The following AAMDC variants were observed in gnomAD, a reference collection of about 807,000 sequenced individuals.
AAMDC encodes the protein adipogenesis associated Mth938 domain containing, also known as mth938 domain-containing protein.
Under a neutral mutation model 15.5 loss-of-function variants are expected in AAMDC, and 16 were observed. The observed-to-expected ratio is 1.03, with a 90% CI of 0.70 to 1.57. AAMDC has a LOEUF of 1.57. AAMDC is among the 40% of genes most tolerant of loss of function. The pLI is 0.00. For missense variants in AAMDC, 141 were observed against 144.9 expected (o/e 0.97, Z 0.14); for synonymous variants, 51 against 51.6 (o/e 0.99, Z 0.05).
chr11:77,840,958 A>C, intron 1 of AAMDC: 1 of 488,666 alleles, frequency 2.0e-6, no homozygotes, highest in Non-Finnish European at 3.7e-6. Context: ...TGCTCCTATA[A>C]CTGAATACCT....
chr11:77,827,144 CT>C (rs1322493486), intron 1 of AAMDC, among the ~76,000 whole-genome samples: 1 of 152,004 alleles, frequency 6.6e-6, no homozygotes, highest in East Asian at 1.9e-4. Flanking sequence ...AAATTTGCCC[CT>C]GGCCCCGCCC....
intron 1 of AAMDC, among the ~76,000 whole-genome samples, chr11:77,835,414 C>T (rs1367725827): frequency 6.6e-6 from 1 of 152,106 alleles, no homozygotes; most frequent in Non-Finnish European, 1.5e-5. Flanking sequence ...ATGTTGACTA[C>T]CTCCAGACTT....
At chr11:77,865,494 A>G (rs1246371402) in intron 2 of AAMDC, among the ~76,000 whole-genome samples, 2 of 152,384 alleles carry the variant, frequency 1.3e-5, no homozygotes, top group East Asian at 3.9e-4. Context: ...CCAAACCTAT[A>G]TATGAAATCA....
At chr11:77,879,406 TCTG>T (rs1306263488) in intron 5 of AAMDC, among the ~76,000 whole-genome samples, 1 of 152,186 alleles carries the variant, frequency 6.6e-6, no homozygotes, top group Non-Finnish European at 1.5e-5. Context: ...TGCTTCATGA[TCTG>T]CTTTATGAAC....
chr11:77,867,268 A>G (rs1325739456), intron 2 of AAMDC, among the ~76,000 whole-genome samples: 1 of 151,980 alleles, frequency 6.6e-6, no homozygotes, highest in East Asian at 1.9e-4. Context: ...CTCTTTTCCT[A>G]TACCATCTCT....
chr11:77,860,907 C>T (rs541365982), intron 2 of AAMDC, among the ~76,000 whole-genome samples: 54 of 152,202 alleles, frequency 3.5e-4, no homozygotes, highest in African/African-American at 1.2e-3. Context: ...CTTGCACTAA[C>T]GTTCACTGTC....
chr11:77,828,293 AAC>A (rs1949269246), intron 1 of AAMDC, among the ~76,000 whole-genome samples: 1 of 151,996 alleles, frequency 6.6e-6, no homozygotes, highest in Non-Finnish European at 1.5e-5. Context: ...AAAATACACA[AAC>A]AGCAAAAAAA....
chr11:77,865,128 G>A (rs1370480145), intron 2 of AAMDC, among the ~76,000 whole-genome samples: 1 of 152,138 alleles, frequency 6.6e-6, no homozygotes, highest in East Asian at 1.9e-4. Context: ...TGTCTAATGT[G>A]GTTGAGTCCC....
chr11:77,876,026 T>C (rs1951584309), downstream of AAMDC, among the ~76,000 whole-genome samples: 1 of 152,108 alleles, frequency 6.6e-6, no homozygotes, highest in African/African-American at 2.4e-5. Context: ...AGCAGGGGAA[T>C]GGTGTGGTCA....
chr11:77,851,800 C>A (rs1950395855), intron 2 of AAMDC, among the ~76,000 whole-genome samples: 3 of 152,134 alleles, frequency 2.0e-5, no homozygotes, highest in Non-Finnish European at 4.4e-5. Flanking sequence ...CATGCTTGTA[C>A]AGCCTGCAGA....
chr11:77,875,723 G>A (rs958527339), downstream of AAMDC, among the ~76,000 whole-genome samples: 1 of 152,144 alleles, frequency 6.6e-6, no homozygotes, highest in East Asian at 1.9e-4. Flanking sequence ...GAACATAGAG[G>A]AAATGTTCCA....
intron 2 of AAMDC, among the ~76,000 whole-genome samples, chr11:77,850,087 T>C (rs1174083756): frequency 6.6e-6 from 1 of 152,242 alleles, no homozygotes; most frequent in Non-Finnish European, 1.5e-5. Context: ...ATTTTCATTA[T>C]AAATGTCATT....
chr11:77,877,025 C>T (rs1405916636), downstream of AAMDC: 1 of 703,118 alleles, frequency 1.4e-6, no homozygotes, highest in Admixed American at 2.0e-5. Context: ...AGCTTCATGG[C>T]ACATCCTTGA....
intron 5 of AAMDC, among the ~76,000 whole-genome samples, chr11:77,895,043 T>G (rs1952451395): frequency 6.6e-6 from 1 of 152,258 alleles, no homozygotes; most frequent in Non-Finnish European, 1.5e-5. Context: ...GTTACTATTT[T>G]GGCGACAGAC....
At chr11:77,886,824 T>C (rs11606549) in intron 5 of AAMDC, among the ~76,000 whole-genome samples, 30,849 of 152,008 alleles carry the variant, frequency 0.2, 3,198 homozygotes, top group Middle Eastern at 0.24. Flanking sequence ...ACATGGAAAC[T>C]GAACAACCTG....
At chr11:77,897,048 T>C (rs1952555570) in intron 5 of AAMDC, among the ~76,000 whole-genome samples, 1 of 152,022 alleles carries the variant, frequency 6.6e-6, no homozygotes, top group Admixed American at 6.5e-5. Context: ...AGAGTCTCTA[T>C]GAACCTATTC....
chr11:77,891,486 T>C (rs949750305), intron 5 of AAMDC: 1 of 1,612,812 alleles, frequency 6.2e-7, no homozygotes, highest in African/African-American at 1.3e-5. Context: ...GAAAATCCTA[T>C]GATTTTAAAG....
intron 2 of AAMDC, among the ~76,000 whole-genome samples, chr11:77,867,042 C>G (rs1298904082): frequency 6.6e-6 from 1 of 152,032 alleles, no homozygotes; most frequent in Non-Finnish European, 1.5e-5. Flanking sequence ...AGTTTCACCA[C>G]CTTAGCCAGG....
intron 5 of AAMDC, among the ~76,000 whole-genome samples, chr11:77,883,183 G>T (rs769903332): frequency 6.6e-6 from 1 of 151,926 alleles, no homozygotes; most frequent in Non-Finnish European, 1.5e-5. Context: ...ACCAAATTTG[G>T]TGGCATTAAA....
Sources: allele counts gnomAD v4.1 joint callset (sites outside exome capture counted in the v4.1 genomes callset), GRCh38; gene constraint gnomAD v4.1.1; transcripts MANE v1.5; gene names NCBI Gene and HGNC (gene_info 2026-07-23, HGNC 2026-07-21).